Variants in ABRAXAS1 observed in about 807,000 individuals in gnomAD.
ABRAXAS1 encodes the protein BRCA1-A complex subunit Abraxas 1.
A neutral mutation model predicts 38.4 loss-of-function variants in ABRAXAS1; 26 were observed. That is an observed-to-expected ratio of 0.68 (90% CI 0.50 to 0.94). The LOEUF (loss-of-function observed/expected upper bound fraction) is 0.94, where lower values mean the gene tolerates loss of function less well. ABRAXAS1 is among the 40% of genes least tolerant of loss of function. The probability of loss-of-function intolerance (pLI) is 0.00; values close to 1 mark genes in which losing one functional copy is unlikely to be tolerated. For missense variants in ABRAXAS1, 438 were observed against 481.9 expected (o/e 0.91, Z 0.85); for synonymous variants, 144 against 165.5 (o/e 0.87, Z 1.00).
chr4:83,473,233 TG>T (rs779233687), intron 3 of ABRAXAS1, among the ~76,000 whole-genome samples: 2 of 152,048 alleles, frequency 1.3e-5, no homozygotes, highest in African/African-American at 2.4e-5. Flanking sequence ...TGAGATGAGA[TG>T]GCACTACTGC....
Position 83,461,605 on chromosome 4 carries a change from G to A in ABRAXAS1, c.*864C>T. 1 of 293,346 alleles carries A rather than the reference G, an allele frequency of 3.4e-6. No individual in the cohort carries two copies. The highest frequency in any genetic ancestry group is 6.5e-6 in the Non-Finnish European group (1 of 153,010). 18.2% of individuals were successfully genotyped at this position (293,346 alleles called of 1,614,324 possible). On this transcript the variant is annotated 3_prime_UTR_variant, in exon 9 of 9. Coordinates refer to ENST00000321945, the MANE Select transcript of ABRAXAS1 (RefSeq NM_139076.3). ...AGAAGGACAAAATATTCCTAGACGA[G>A]TCTACCCTCAAACCAGTAGTGTCTT...
chr4:83,461,047 C>T lies in ABRAXAS1; in HGVS notation c.*1422G>A. On this transcript the variant is annotated 3_prime_UTR_variant, in exon 9 of 9. Transcript: ENST00000321945. ...TCAAATAATGGGTAAGAAAGAATAC[C>T]TCAACAACTGAATTGAGCTAGCTGA... is the stretch of plus-strand genomic sequence containing the variant. 6.2e-7 allele frequency: 1 copy of T among 1,612,286 alleles called. No homozygotes were observed.
intron 5 of ABRAXAS1, 94 bp downstream of exon 5, chr4:83,470,109 A>G: frequency 1.1e-6 from 1 of 883,096 alleles, no homozygotes. Context: ...TGATGCGACA[A>G]TATATGAGAA....
At position 83,478,574 on chromosome 4, in the gene ABRAXAS1, T is replaced by C. The variant is rs532750429; in HGVS notation, c.179-1895A>G. The C allele has an allele frequency of 1.4e-4, 36 of 260,180 alleles. No individual in the cohort carries two copies. In the South Asian group the frequency reaches 1.6e-3, roughly 12 times the overall value. 16.1% of individuals were successfully genotyped at this position (260,180 alleles called of 1,614,324 possible). A position where few individuals can be genotyped will look rare whatever the true frequency, so the allele number is the denominator to read the frequency against. On this transcript the variant is annotated intron_variant, in intron 2 of 8. Transcript: ENST00000321945. ...TGATGGAAGAACAGTAGGATGTTGG[T>C]TCAAAGTTATTTATATGTTTGTGTT...
chr4:83,459,695 A>T lies in ABRAXAS1; in HGVS notation c.*2774T>A, dbSNP rs373047460. The T allele has an allele frequency of 2.6e-6, 4 of 1,543,456 alleles. No individual in the cohort carries two copies. The East Asian group carries it at 6.8e-5, about 26-fold the overall frequency. On this transcript the variant is annotated 3_prime_UTR_variant, in exon 9 of 9. Transcript: ENST00000321945. ...TTGAAATTTACACATTCAGAAATAA[A>T]TAACAGATACTTTTTTTTCCCCTCC...
At position 83,462,895 on chromosome 4, in the gene ABRAXAS1, C is replaced by G. The variant is rs760036112; in HGVS notation, c.804G>C (p.Lys268Asn). 2 of 1,566,436 alleles carry G rather than the reference C, an allele frequency of 1.3e-6. No homozygotes were observed. The highest frequency in any genetic ancestry group is 2.4e-5 in the South Asian group (2 of 81,666). ...RGAQIQAARE[K>N]NIQKDPQENI... ...TCTCCTGAGGGTCTTTTTGGATGTT[C>G]TTCTCTCCTAAACAAAATAGAATAA... The change falls in exon 9 of 9, where the codon AAG becomes AAC. Residue 268 changes from lysine to asparagine, a missense_variant. By Grantham distance (94) the Lys-to-Asn change is moderately conservative. Transcript: ENST00000321945.
intron 7 of ABRAXAS1, among the ~76,000 whole-genome samples, chr4:83,464,938 AC>A (rs1261470683): frequency 6.6e-6 from 1 of 152,200 alleles, no homozygotes; most frequent in African/African-American, 2.4e-5. Context: ...ATATACCTCT[AC>A]ATTCCCTATT....
At position 83,459,602 on chromosome 4, in the gene ABRAXAS1, T is replaced by G; in HGVS notation, c.*2867A>C. The G allele has an allele frequency of 2.9e-6, 2 of 694,930 alleles. No homozygotes were observed. Among genetic ancestry groups the G allele is most frequent in the Non-Finnish European group, 4.8e-6 (2 of 415,860 alleles). The allele number at this position is 694,930 out of a possible 1,614,324, so 43.0% of individuals were successfully genotyped here. ...AAAGGTAACAGGAGGATAACAATAT[T>G]TTTTTCTTATATTTTATGAAATGTG... On this transcript the variant is annotated 3_prime_UTR_variant, in exon 9 of 9. Transcript: ENST00000321945.
rs988059976 is a variant in ABRAXAS1 at position 83,462,095 on chromosome 4, G to A, written c.*374C>T. The A allele has an allele frequency of 1.7e-5, 4 of 238,714 alleles. No homozygotes were observed. Among genetic ancestry groups the A allele is most frequent in the Admixed American group, 5.6e-5 (1 of 18,002 alleles). 14.8% of individuals were successfully genotyped at this position (238,714 alleles called of 1,614,324 possible). A position where few individuals can be genotyped will look rare whatever the true frequency, so the allele number is the denominator to read the frequency against. On this transcript the variant is annotated 3_prime_UTR_variant, in exon 9 of 9. Coordinates refer to ENST00000321945, the MANE Select transcript of ABRAXAS1 (RefSeq NM_139076.3). ...TTTTTAATAGACATGGTCTCAATACGTTGCCCAGGCTGGTCTCTAACTCCT... is the reference window on the plus strand; with the variant it reads ...TTTTTAATAGACATGGTCTCAATACATTGCCCAGGCTGGTCTCTAACTCCT...
At chr4:83,462,978 A>C in intron 8 of ABRAXAS1, 76 bp from the exon 9 acceptor site, 1 of 994,020 alleles carries the variant, frequency 1.0e-6, no homozygotes. Context: ...TTTGTAAGTA[A>C]AATTAAGTCA....
chr4:83,465,156 CGTA>C (rs1179702634), intron 7 of ABRAXAS1, among the ~76,000 whole-genome samples: 3 of 151,610 alleles, frequency 2.0e-5, no homozygotes, highest in African/African-American at 7.3e-5. Flanking sequence ...ATTAGCCTGG[CGTA>C]GTGGTGGGTG....
intron 5 of ABRAXAS1, 143 bp from the exon 6 acceptor site, chr4:83,469,294 A>C: frequency 1.4e-6 from 1 of 692,208 alleles, no homozygotes; most frequent in Middle Eastern, 2.7e-4. Context: ...TCCAAAATAG[A>C]ATTTACTGAC....
chr4:83,464,624 CTGACA>C (rs1360506713), intron 7 of ABRAXAS1, among the ~76,000 whole-genome samples: 10 of 152,160 alleles, frequency 6.6e-5, no homozygotes, highest in Middle Eastern at 3.4e-3. Context: ...TTTTTTTGCC[CTGACA>C]TAAGAGTTTG....
chr4:83,475,590 C>T (rs916537039), intron 3 of ABRAXAS1, among the ~76,000 whole-genome samples: 1 of 152,116 alleles, frequency 6.6e-6, no homozygotes, highest in Non-Finnish European at 1.5e-5. Flanking sequence ...ACTACAGAAG[C>T]ATGCCATCAC....
At chr4:83,464,652 G>A (rs1722279919) in intron 7 of ABRAXAS1, among the ~76,000 whole-genome samples, 1 of 152,124 alleles carries the variant, frequency 6.6e-6, no homozygotes, top group African/African-American at 2.4e-5. Context: ...AGTTACCCCT[G>A]TACCCACCTT....
intron 3 of ABRAXAS1, among the ~76,000 whole-genome samples, chr4:83,473,986 A>C (rs147606618): frequency 0.036 from 5,436 of 151,156 alleles, 136 homozygotes; most frequent in Non-Finnish European, 0.054. Flanking sequence ...ACACCAACAA[A>C]AAAAAATTAG....
Position 83,460,718 on chromosome 4 carries a change from A to G in ABRAXAS1, c.*1751T>C, listed in dbSNP as rs111663085. On this transcript the variant is annotated 3_prime_UTR_variant, in exon 9 of 9. Coordinates refer to ENST00000321945, the MANE Select transcript of ABRAXAS1 (RefSeq NM_139076.3). ...CAGGAGTTCAGGACCAGCCTGGCCA[A>G]TATGGTGAAACCCCGTTTCTACTAC... 5.5e-3 allele frequency: 2,158 copies of G among 394,784 alleles called. 35 individuals carry two copies. The highest frequency in any genetic ancestry group is 0.042 in the African/African-American group (2,026 of 48,124). The allele number at this position is 394,784 out of a possible 1,614,324, so 24.5% of individuals were successfully genotyped here.
In ABRAXAS1 at chr4:83,460,990, CAGAA is replaced by C. The variant is rs774881598; in HGVS notation, c.*1475_*1478del. ...TTTTACAGGTCTTTGTGGGAAGAAA[CAGAA>C]AGAAATCACAAAAGCAATTAAGAGA... On this transcript the variant is annotated 3_prime_UTR_variant, in exon 9 of 9. Coordinates refer to ENST00000321945, the MANE Select transcript of ABRAXAS1 (RefSeq NM_139076.3). The C allele has an allele frequency of 1.9e-5, 31 of 1,606,798 alleles. No individual in the cohort carries two copies. Among genetic ancestry groups the C allele is most frequent in the East Asian group, 6.7e-5 (3 of 44,788 alleles).
chr4:83,481,714 A>G (rs1276690980), intron 2 of ABRAXAS1, among the ~76,000 whole-genome samples: 1 of 151,978 alleles, frequency 6.6e-6, no homozygotes. Context: ...TGAGTACAAC[A>G]TATCCTTTTA....
Sources: gnomAD v4.1 joint callset for allele counts (sites outside exome capture counted in the v4.1 genomes callset) on GRCh38, gnomAD v4.1.1 for gene constraint, MANE v1.5 for transcripts, NCBI Gene and HGNC (gene_info 2026-07-23, HGNC 2026-07-21) for gene names.